Variants in FRAS1 observed in about 807,000 individuals in gnomAD.
FRAS1 encodes the protein extracellular matrix organizing protein FRAS1.
Under a neutral mutation model 435.2 loss-of-function variants are expected in FRAS1, and 290 were observed. The observed-to-expected ratio is 0.67, with a 90% CI of 0.61 to 0.73. FRAS1 has a LOEUF of 0.73. Ranked by LOEUF, FRAS1 falls within the 30% of genes least tolerant of loss-of-function variation. The probability of loss-of-function intolerance (pLI) is 0.00; values close to 1 mark genes in which losing one functional copy is unlikely to be tolerated. For synonymous variants in FRAS1, 1,800 were observed against 1,851.0 expected, an observed-to-expected ratio of 0.97 and a Z score of 0.71; for missense variants, 4,860 against 5,001.5, an observed-to-expected ratio of 0.97 and a Z score of 0.85.
chr4:78,319,106 G>A, intron 18 of FRAS1, 120 bp downstream of exon 18: 2 of 1,032,300 alleles, frequency 1.9e-6, no homozygotes, highest in Non-Finnish European at 2.9e-6. Flanking sequence ...CTAGATGCTT[G>A]TGAATAAAGC....
chr4:78,472,217 T>C lies in FRAS1; in HGVS notation c.7409T>C (p.Met2470Thr). The change falls in exon 52 of 74, where the codon ATG becomes ACG. Residue 2470 changes from methionine to threonine, a missense_variant. Coordinates refer to ENST00000512123, the MANE Select transcript of FRAS1 (RefSeq NM_025074.7). ...ATCACCAAGAAGGAACTGCTGACCA[T>C]GGACCCAGACACCGAGGACGCGCAG... ...NLITKKELLTMDPDTEDAQLV... is the reference protein window; with the variant it reads ...NLITKKELLTTDPDTEDAQLV... The C allele has an allele frequency of 1.2e-6, 2 of 1,613,960 alleles. No individual in the cohort carries two copies. The highest frequency in any genetic ancestry group is 2.2e-5 in the East Asian group (1 of 44,876).
intron 9 of FRAS1, among the ~76,000 whole-genome samples, chr4:78,275,320 G>C (rs1158547594): frequency 6.6e-6 from 1 of 152,048 alleles, no homozygotes; most frequent in East Asian, 1.9e-4. Flanking sequence ...TTACATTTAA[G>C]GTTAATATTG....
intron 2 of FRAS1, among the ~76,000 whole-genome samples, chr4:78,144,273 G>A (rs1241389113): frequency 2.0e-5 from 3 of 151,960 alleles, no homozygotes; most frequent in African/African-American, 4.8e-5. Context: ...ATAATACAGA[G>A]CATCAATGTC....
chr4:78,116,929 T>G (rs1440537092), intron 2 of FRAS1, among the ~76,000 whole-genome samples: 1 of 152,252 alleles, frequency 6.6e-6, no homozygotes, highest in Non-Finnish European at 1.5e-5. Context: ...CTAGCCTTGA[T>G]GATCTTTACA....
chr4:78,424,806 G>T (rs1013618880), intron 35 of FRAS1, among the ~76,000 whole-genome samples: 8 of 151,870 alleles, frequency 5.3e-5, no homozygotes, highest in Non-Finnish European at 1.2e-4. Context: ...TCTGGATGAT[G>T]GTGGCACATG....
chr4:78,516,140 T>A, intron 66 of FRAS1, 127 bp downstream of exon 66: 1 of 673,322 alleles, frequency 1.5e-6, no homozygotes, highest in Non-Finnish European at 2.5e-6. Context: ...GGAGTCTTCT[T>A]TATAAGTCCC....
At chr4:78,279,383 G>A (rs1386640287) in intron 10 of FRAS1, among the ~76,000 whole-genome samples, 2 of 152,188 alleles carry the variant, frequency 1.3e-5, no homozygotes, top group Admixed American at 6.5e-5. Flanking sequence ...AGAGCGCTGG[G>A]CTCTCGCTTA....
rs11723937 is a variant in FRAS1, at chr4:78,236,308, A to T, written c.109-1202A>T. Among the ~76,000 whole-genome samples the T allele has an allele frequency of 0.02, 3,063 of 151,048 alleles. 191 individuals are homozygous for T. In the East Asian group the frequency reaches 0.25, roughly 12 times the overall value. The stretch of plus-strand genomic sequence containing the variant: ...GTTGCATTTATTTATTTATTTATTT[A>T]TTTTTTGGCTTTGAGGTTTTTTTAA... On this transcript the variant is annotated intron_variant, in intron 2 of 73. Coordinates refer to ENST00000512123, the MANE Select transcript of FRAS1 (RefSeq NM_025074.7).
chr4:78,249,268 A>C (rs938339903), intron 4 of FRAS1, among the ~76,000 whole-genome samples: 3 of 146,564 alleles, frequency 2.0e-5, no homozygotes, highest in Non-Finnish European at 3.0e-5. Context: ...CATGCTGCAC[A>C]CTTTGGATCA....
rs540286890 is a variant in FRAS1 at position 78,508,833 on chromosome 4, G to A, written c.9607G>A (p.Asp3203Asn). 29 of 1,613,716 alleles carry A rather than the reference G, an allele frequency of 1.8e-5. 1 individual carries two copies. Among genetic ancestry groups the A allele is most frequent in the South Asian group, 8.8e-5 (8 of 91,028 alleles). Residue 3203 changes from aspartate (D) to asparagine (N), a missense_variant, in exon 63 of 74, where the codon GAC becomes AAC. Physicochemically the swap from Asp to Asn is conservative, Grantham distance 23. Coordinates refer to ENST00000512123, the MANE Select transcript of FRAS1 (RefSeq NM_025074.7). ...GYPLVCVTPC[D>N]PHFPRYAVMK... The stretch of plus-strand genomic sequence containing the variant: ...CCCACTGGTCTGTGTCACCCCCTGC[G>A]ACCCTCATTTCCCCAGATACGCTGT...
At chr4:78,126,425 C>T (rs1231599115) in intron 2 of FRAS1, among the ~76,000 whole-genome samples, 2 of 152,206 alleles carry the variant, frequency 1.3e-5, no homozygotes, top group East Asian at 3.9e-4. Context: ...CCAACTAGTC[C>T]CAGTGAGATG....
At chr4:78,527,181 C>T (rs1026562745) in intron 70 of FRAS1, among the ~76,000 whole-genome samples, 1 of 152,088 alleles carries the variant, frequency 6.6e-6, no homozygotes, top group Non-Finnish European at 1.5e-5. Flanking sequence ...CCCTGTATTT[C>T]TTCTAGTAGC....
chr4:78,255,559 G>A (rs1423352101), intron 6 of FRAS1, among the ~76,000 whole-genome samples, 184 bp downstream of exon 6: 1 of 152,128 alleles, frequency 6.6e-6, no homozygotes, highest in Non-Finnish European at 1.5e-5. Flanking sequence ...CTACAGATAG[G>A]TCTAATTACC....
At chr4:78,197,158 T>A (rs1722851190) in intron 2 of FRAS1, among the ~76,000 whole-genome samples, 1 of 152,226 alleles carries the variant, frequency 6.6e-6, no homozygotes, top group Non-Finnish European at 1.5e-5. Flanking sequence ...TAACTATAGT[T>A]ATTTTGGGTC....
In FRAS1 at chr4:78,441,341, G is replaced by A. The variant is rs780665162; in HGVS notation, c.5665+44G>A. On this transcript the variant is annotated intron_variant, in intron 41 of 73. Coordinates refer to ENST00000512123, the MANE Select transcript of FRAS1 (RefSeq NM_025074.7). ...CTGTTAAGGACCTTGAGAGAAGGGA[G>A]GGGAGAGGGAGGAGGACCTTGCTTC... 8 of 1,574,918 alleles carry A rather than the reference G, an allele frequency of 5.1e-6. No individual in the cohort carries two copies. In the Admixed American group the frequency reaches 7.3e-5, roughly 14 times the overall value.
At chr4:78,090,450 T>A (rs974272631) in intron 2 of FRAS1, among the ~76,000 whole-genome samples, 1 of 152,216 alleles carries the variant, frequency 6.6e-6, no homozygotes, top group African/African-American at 2.4e-5. Context: ...CTATTGATTT[T>A]TTTTGCCTTA....
chr4:78,539,560 T>C, intron 73 of FRAS1, 120 bp downstream of exon 73: 1 of 1,001,750 alleles, frequency 1.0e-6, no homozygotes, highest in Non-Finnish European at 1.5e-6. Context: ...CCATTCTTGC[T>C]GGCAGATCTT....
At chr4:78,258,656 A>AT in intron 6 of FRAS1, among the ~76,000 whole-genome samples, 1 of 124,328 alleles carries the variant, frequency 8.0e-6, no homozygotes, top group South Asian at 2.5e-4. Context: ...TTAAATTTTT[A>AT]TTTTTTTCAT....
intron 38 of FRAS1, among the ~76,000 whole-genome samples, chr4:78,434,568 T>C (rs1179858187): frequency 6.6e-6 from 1 of 152,190 alleles, no homozygotes; most frequent in Non-Finnish European, 1.5e-5. Context: ...ACATATTACA[T>C]ACCTATGAGT....
Sources: gnomAD v4.1 joint callset for allele counts (sites outside exome capture counted in the v4.1 genomes callset) on GRCh38, gnomAD v4.1.1 for gene constraint, MANE v1.5 for transcripts, NCBI Gene and HGNC (gene_info 2026-07-23, HGNC 2026-07-21) for gene names.